The following NAA11 variants were observed in gnomAD, a reference collection of about 807,000 sequenced individuals.
NAA11 encodes the protein N-alpha-acetyltransferase 11, NatA catalytic subunit, also known as N-alpha-acetyltransferase 11.
A neutral mutation model predicts 16.1 loss-of-function variants in NAA11; 15 were observed. The observed-to-expected ratio is 0.93, with a 90% CI of 0.62 to 1.44. NAA11 has a LOEUF of 1.44. NAA11 is among the 40% of genes most tolerant of loss of function. The probability of loss-of-function intolerance (pLI) is 0.00; values close to 1 mark genes in which losing one functional copy is unlikely to be tolerated. For missense variants in NAA11, 298 were observed against 291.3 expected (o/e 1.02, Z -0.17); for synonymous variants, 122 against 112.4 (o/e 1.09, Z -0.54).
At chr4:79,222,489 C>A (rs1578148207), downstream of NAA11, among the ~76,000 whole-genome samples, 2 of 148,122 alleles carry the variant, frequency 1.4e-5, no homozygotes, top group Admixed American at 6.8e-5. Context: ...ATACAAAAAT[C>A]AATTCAAGAT....
chr4:79,269,681 T>G (rs1213972919), intron 2 of NAA11, among the ~76,000 whole-genome samples: 2 of 146,848 alleles, frequency 1.4e-5, no homozygotes, highest in African/African-American at 2.5e-5. Context: ...TAGTTTCTTT[T>G]GCTGTGCAGA....
At chr4:79,184,771 A>G in the NAA11 span, among the ~76,000 whole-genome samples, 2 of 152,184 alleles carry the variant, frequency 1.3e-5, no homozygotes, top group Non-Finnish European at 2.9e-5. Context: ...GGAAATAAGT[A>G]TGTGTATTTC....
chr4:79,294,146 A>G (rs1723155882), intron 1 of NAA11: 4 of 152,352 alleles, frequency 2.6e-5, no homozygotes, highest in Admixed American at 2.6e-4. Flanking sequence ...GACTAAGACA[A>G]AGTAGAAATT....
chr4:79,307,106 C>CTT (rs1161615816), intron 1 of NAA11: 2 of 152,312 alleles, frequency 1.3e-5, no homozygotes, highest in East Asian at 3.9e-4. Flanking sequence ...TGAATGTGCT[C>CTT]CCAACTGGGA....
At chr4:79,157,225 C>T in the NAA11 span, among the ~76,000 whole-genome samples, 7 of 152,044 alleles carry the variant, frequency 4.6e-5, no homozygotes, top group Non-Finnish European at 7.4e-5. Flanking sequence ...ACACTGAACC[C>T]AATTTGTAGT....
At chr4:79,224,318 A>G (rs1356972047), downstream of NAA11, among the ~76,000 whole-genome samples, 1 of 152,084 alleles carries the variant, frequency 6.6e-6, no homozygotes, top group Non-Finnish European at 1.5e-5. Flanking sequence ...AATCTCAAAA[A>G]TCTTCAGTAT....
intron 2 of NAA11, among the ~76,000 whole-genome samples, chr4:79,256,372 T>C (rs894137510): frequency 6.6e-6 from 1 of 152,022 alleles, no homozygotes; most frequent in Middle Eastern, 3.4e-3. Flanking sequence ...AGTTATAACT[T>C]TGAGTATTAT....
intron 2 of NAA11, among the ~76,000 whole-genome samples, chr4:79,262,309 A>G (rs978019301): frequency 1.3e-5 from 2 of 152,220 alleles, no homozygotes; most frequent in Non-Finnish European, 1.5e-5. Flanking sequence ...TTAGAGATCT[A>G]TGCAAAGAAT....
chr4:79,166,166 T>C, the NAA11 span, among the ~76,000 whole-genome samples: 2 of 152,046 alleles, frequency 1.3e-5, no homozygotes, highest in Non-Finnish European at 2.9e-5. Context: ...GCCTCAGGAG[T>C]AGACTGAGAA....
intron 2 of NAA11, among the ~76,000 whole-genome samples, chr4:79,280,308 C>T (rs1228095294): frequency 1.3e-5 from 2 of 152,162 alleles, no homozygotes; most frequent in South Asian, 4.2e-4. Flanking sequence ...CCAGGAATCA[C>T]TGTGCCCTCC....
At chr4:79,287,661 G>A (rs1018501355) in intron 2 of NAA11, among the ~76,000 whole-genome samples, 4 of 151,904 alleles carry the variant, frequency 2.6e-5, no homozygotes, top group Non-Finnish European at 4.4e-5. Flanking sequence ...TGACTGGCAT[G>A]TGTGTGTGTC....
the NAA11 span, among the ~76,000 whole-genome samples, chr4:79,158,591 C>T: frequency 1.3e-5 from 2 of 151,422 alleles, no homozygotes; most frequent in Non-Finnish European, 2.9e-5. Flanking sequence ...CATCATTCTT[C>T]ACAGAACTAA....
chr4:79,253,162 G>A (rs553930971), intron 2 of NAA11, among the ~76,000 whole-genome samples: 5 of 152,304 alleles, frequency 3.3e-5, no homozygotes, highest in East Asian at 1.9e-4. Context: ...CGACATTTGC[G>A]TCAGGATATG....
chr4:79,303,400 C>T (rs937242775), intron 1 of NAA11, among the ~76,000 whole-genome samples: 4 of 151,850 alleles, frequency 2.6e-5, no homozygotes, highest in African/African-American at 9.7e-5. Flanking sequence ...ATCACTGCAG[C>T]CTCAAACTCC....
At chr4:79,264,051 C>T (rs1270233616) in intron 2 of NAA11, among the ~76,000 whole-genome samples, 1 of 152,082 alleles carries the variant, frequency 6.6e-6, no homozygotes, top group Non-Finnish European at 1.5e-5. Context: ...CCAGCCTTGC[C>T]CTCCCAATAT....
intron 2 of NAA11, among the ~76,000 whole-genome samples, chr4:79,232,096 A>G (rs913516701): frequency 6.6e-6 from 1 of 151,802 alleles, no homozygotes; most frequent in Non-Finnish European, 1.5e-5. Flanking sequence ...TTATGGATGA[A>G]ATGATATGAT....
At chr4:79,239,697 C>G (rs1031354184) in intron 2 of NAA11, among the ~76,000 whole-genome samples, 1 of 151,238 alleles carries the variant, frequency 6.6e-6, no homozygotes, top group Non-Finnish European at 1.5e-5. Flanking sequence ...AAGACTCTGT[C>G]TCGGAAAAAA....
At chr4:79,196,012 T>C in the NAA11 span, 1 of 152,234 alleles carries the variant, frequency 6.6e-6, no homozygotes, top group Non-Finnish European at 1.5e-5. Context: ...AATGGACTAA[T>C]ACACCTGCCA....
At chr4:79,210,871 T>C in the NAA11 span, among the ~76,000 whole-genome samples, 1 of 152,192 alleles carries the variant, frequency 6.6e-6, no homozygotes, top group African/African-American at 2.4e-5. Context: ...GCTTTCTTTA[T>C]CTGTAAAATG....
Sources: gnomAD v4.1 joint callset for allele counts (sites outside exome capture counted in the v4.1 genomes callset) on GRCh38, gnomAD v4.1.1 for gene constraint, MANE v1.5 for transcripts, NCBI Gene and HGNC (gene_info 2026-07-23, HGNC 2026-07-21) for gene names.